The following SNX25 variants were observed in gnomAD, a reference collection of about 807,000 sequenced individuals.
SNX25 encodes sorting nexin-25.
A neutral mutation model predicts 113.7 loss-of-function variants in SNX25; 62 were observed. The ratio of observed to expected loss-of-function variants is 0.55; its 90% CI spans 0.44 to 0.67. SNX25 has a LOEUF of 0.67. Among genes scored for constraint, SNX25 ranks in the 30% least tolerant of loss-of-function variants. The pLI is 0.00. For synonymous variants in SNX25, 421 were observed against 436.2 expected (o/e 0.97, Z 0.43); for missense variants, 1,014 against 1,161.0 (o/e 0.87, Z 1.84).
chr4:185,362,284 CT>C, intron 17 of SNX25, 179 bp downstream of exon 17: 1 of 985,130 alleles, frequency 1.0e-6, no homozygotes, highest in East Asian at 1.1e-4. Context: ...ATGTTAAGAA[CT>C]TGAAAAATGT....
intron 12 of SNX25, among the ~76,000 whole-genome samples, chr4:185,344,370 C>T (rs796366652): frequency 4.6e-5 from 7 of 152,248 alleles, no homozygotes; most frequent in African/African-American, 1.7e-4. Context: ...ATTATTGTTC[C>T]ATCTGGTGAA....
At chr4:185,226,068 GGATCTTTAC>G (rs1191454773) in intron 1 of SNX25, among the ~76,000 whole-genome samples, 1 of 152,116 alleles carries the variant, frequency 6.6e-6, no homozygotes, top group Non-Finnish European at 1.5e-5. Flanking sequence ...GTGCTCAGGA[GGATCTTTAC>G]TAATCAAGTA....
intron 10 of SNX25, among the ~76,000 whole-genome samples, chr4:185,335,573 C>A (rs1315281370): frequency 6.6e-6 from 1 of 152,144 alleles, no homozygotes; most frequent in Non-Finnish European, 1.5e-5. Flanking sequence ...TCACAGATCT[C>A]TGTACCAGCA....
chr4:185,341,417 C>T (rs559951840), intron 11 of SNX25, among the ~76,000 whole-genome samples: 1 of 152,302 alleles, frequency 6.6e-6, no homozygotes, highest in South Asian at 2.1e-4. Flanking sequence ...TTCAAAGTAA[C>T]ACAGGATGAG....
chr4:185,352,617 C>T (rs924245967), intron 14 of SNX25, among the ~76,000 whole-genome samples: 9 of 152,200 alleles, frequency 5.9e-5, no homozygotes, highest in Non-Finnish European at 1.0e-4. Flanking sequence ...CTGCCAGTGG[C>T]TTCCTCTCAG....
chr4:185,222,215 G>A (rs1461175849), intron 1 of SNX25, among the ~76,000 whole-genome samples: 4 of 151,038 alleles, frequency 2.6e-5, no homozygotes, highest in African/African-American at 9.7e-5. Flanking sequence ...CTCCTTCATG[G>A]CAGGTATTCA....
chr4:185,244,882 G>A (rs1217126453), intron 1 of SNX25, among the ~76,000 whole-genome samples: 2 of 151,952 alleles, frequency 1.3e-5, no homozygotes, highest in Admixed American at 1.3e-4. Flanking sequence ...TTTAATAACA[G>A]TAAGCACGAA....
At chr4:185,350,483 C>T (rs917706770) in intron 13 of SNX25, among the ~76,000 whole-genome samples, 1 of 152,134 alleles carries the variant, frequency 6.6e-6, no homozygotes, top group African/African-American at 2.4e-5. Flanking sequence ...TAGACAAGCT[C>T]GATTTATGTT....
intron 3 of SNX25, 79 bp downstream of exon 3, chr4:185,259,143 C>T: frequency 7.9e-7 from 1 of 1,270,050 alleles, no homozygotes; most frequent in Non-Finnish European, 1.1e-6. Flanking sequence ...CAAGATAAAA[C>T]TCTAGAATAT....
In SNX25 at chr4:185,232,856, A is replaced by G. The variant is rs1200669904; in HGVS notation, c.430-14438A>G. ...GATTGGTTGTATACTTGAGTAATTT[A>G]TCTTCTGTGACCTGGGCTAGAAAGT... is the stretch of plus-strand genomic sequence containing the variant. On this transcript the variant is annotated intron_variant, in intron 1 of 18. Coordinates refer to ENST00000652585, the MANE Select transcript of SNX25 (RefSeq NM_001378034.2). The surrounding 1 kb of genome is among the most constrained non-coding windows in gnomAD (Gnocchi z 4.4). 1.3e-5 allele frequency among the ~76,000 whole-genome samples: 2 copies of G among 152,256 alleles called. No homozygotes were observed. Among genetic ancestry groups the G allele is most frequent in the Non-Finnish European group, 2.9e-5 (2 of 68,050 alleles).
intron 1 of SNX25, among the ~76,000 whole-genome samples, chr4:185,241,759 A>G (rs1173342097): frequency 6.6e-6 from 1 of 152,144 alleles, no homozygotes; most frequent in Non-Finnish European, 1.5e-5. Context: ...ACAGTGGGCA[A>G]AGTACACGTA....
At chr4:185,358,508 A>G (rs2095348720) in intron 16 of SNX25, among the ~76,000 whole-genome samples, 1 of 152,228 alleles carries the variant, frequency 6.6e-6, no homozygotes. Context: ...TGTAGCCAAT[A>G]GAAGTTGAAT....
intron 1 of SNX25, among the ~76,000 whole-genome samples, chr4:185,226,301 T>C (rs1209674327): frequency 6.6e-6 from 1 of 152,344 alleles, no homozygotes; most frequent in East Asian, 1.9e-4. Context: ...CATATACTTT[T>C]TTAGTCTCTC....
rs1737560525 is a variant in SNX25 at position 185,210,400 on chromosome 4, C to T, written c.429+145C>T. 8 of 841,132 alleles carry T rather than the reference C, an allele frequency of 9.5e-6. No homozygotes were observed. The highest frequency in any genetic ancestry group is 1.3e-4 in the Admixed American group (2 of 15,174). The allele number at this position is 841,132 out of a possible 1,614,324, so 52.1% of individuals were successfully genotyped here. ...CCAGGGGGCTGGGCTGCGGGCCCGGCCGTGGACGCGAGCGTTCCCCGGCGC... is the reference window on the plus strand; with the variant it reads ...CCAGGGGGCTGGGCTGCGGGCCCGGTCGTGGACGCGAGCGTTCCCCGGCGC... On this transcript the variant is annotated intron_variant, in intron 1 of 18. Transcript: ENST00000652585. The surrounding 1 kb of genome is among the most constrained non-coding windows in gnomAD (Gnocchi z 4.4).
At chr4:185,353,272 A>T in intron 14 of SNX25, 2 of 439,652 alleles carry the variant, frequency 4.5e-6, no homozygotes, top group Non-Finnish European at 4.0e-6. Flanking sequence ...TTTTTTTTTA[A>T]ATTAGCTTAT....
Position 185,252,474 on chromosome 4 carries a change from C to T in SNX25, c.514+5096C>T, listed in dbSNP as rs187583119. On this transcript the variant is annotated intron_variant, in intron 2 of 18. Transcript: ENST00000652585. ...TGTTAAGGCTGTAGTAATTTGAGTT[C>T]GGTTATACTAAATGCTTATGAAATA... 3.7e-4 allele frequency among the ~76,000 whole-genome samples: 57 copies of T among 152,212 alleles called. 1 individual carries two copies. The highest frequency in any genetic ancestry group is 3.5e-3 in the Admixed American group (53 of 15,274).
rs192105090 is a variant in SNX25, at chr4:185,210,880, G to C, written c.429+625G>C. ...CAACAAAAGGAAAGCCATCCTCAGC[G>C]CGCTGTGGGACACTAGGGCGGGGGT... On this transcript the variant is annotated intron_variant, in intron 1 of 18. Coordinates refer to ENST00000652585, the MANE Select transcript of SNX25 (RefSeq NM_001378034.2). The surrounding 1 kb of genome is among the most constrained non-coding windows in gnomAD (Gnocchi z 4.4). Among the ~76,000 whole-genome samples, 60 of 152,278 alleles carry C rather than the reference G, an allele frequency of 3.9e-4. No individual in the cohort carries two copies. Among genetic ancestry groups the C allele is most frequent in the South Asian group, 1.2e-3 (6 of 4,822 alleles).
At chr4:185,228,271 T>A (rs1486503887) in intron 1 of SNX25, among the ~76,000 whole-genome samples, 1 of 151,722 alleles carries the variant, frequency 6.6e-6, no homozygotes, top group African/African-American at 2.4e-5. Context: ...AAGGGAAAGA[T>A]GGAAAAGTAG....
intron 16 of SNX25, among the ~76,000 whole-genome samples, chr4:185,358,035 G>A (rs113553169): frequency 7.0e-4 from 107 of 152,342 alleles, no homozygotes; most frequent in African/African-American, 2.2e-3. Context: ...ACGAGTTTGA[G>A]TATCTTGAGT....
Sources: gnomAD v4.1 joint callset for allele counts (sites outside exome capture counted in the v4.1 genomes callset) on GRCh38, gnomAD v4.1.1 for gene constraint, Gnocchi (gnomAD v3.1) non-coding constraint, MANE v1.5 for transcripts, NCBI Gene and HGNC (gene_info 2026-07-23, HGNC 2026-07-21) for gene names.